The following MYO19 variants were observed in gnomAD, a reference collection of about 807,000 sequenced individuals.
MYO19 encodes myosin XIX, also known as unconventional myosin-XIX.
Under a neutral mutation model 129.2 loss-of-function variants are expected in MYO19, and 132 were observed. The observed-to-expected ratio is 1.02, with a 90% CI of 0.89 to 1.18. The LOEUF is 1.18. Among genes scored for constraint, MYO19 ranks in the 50% most tolerant of loss-of-function variants. The probability of loss-of-function intolerance (pLI) is 0.00; values close to 1 mark genes in which losing one functional copy is unlikely to be tolerated. For synonymous variants in MYO19, 531 were observed against 477.2 expected, an observed-to-expected ratio of 1.11 and a Z score of -1.47; for missense variants, 1,210 against 1,216.7, an observed-to-expected ratio of 0.99 and a Z score of 0.08.
At chr17:36,508,738 C>A (rs2141995952) in intron 14 of MYO19, 1 of 314,752 alleles carries the variant, frequency 3.2e-6, no homozygotes, top group East Asian at 6.0e-5. Context: ...CCTCCAAAGT[C>A]CCTTCTAATA....
chr17:36,504,082 A>G lies in MYO19; in HGVS notation c.1906-62T>C, dbSNP rs553890347. The G allele has an allele frequency of 1.1e-5, 15 of 1,352,816 alleles. No individual in the cohort carries two copies. In the Admixed American group the frequency reaches 2.5e-4, roughly 22 times the overall value. The allele number at this position is 1,352,816 out of a possible 1,614,324, so 83.8% of individuals were successfully genotyped here. On this transcript the variant is annotated intron_variant, in intron 19 of 25. Transcript: ENST00000614623. ...ATGGGGCCAGCAGGCCAGAAATGCC[A>G]TTCTCTCAGCCCTTCTTCTTAGACC...
chr17:36,535,913 A>G (rs1187832780), upstream of MYO19, among the ~76,000 whole-genome samples: 1 of 150,346 alleles, frequency 6.7e-6, no homozygotes, highest in African/African-American at 2.5e-5. Context: ...TCTCTCGGCT[A>G]GGACTTTTAT....
intron 15 of MYO19, 63 bp from the exon 16 acceptor site, chr17:36,507,575 T>C: frequency 6.5e-7 from 1 of 1,528,966 alleles, no homozygotes. Context: ...TGACGGGCCA[T>C]CCACGGCTGG....
At chr17:36,538,601 T>C, upstream of MYO19, 1 of 1,596,124 alleles carries the variant, frequency 6.3e-7, no homozygotes, top group Non-Finnish European at 8.5e-7. Flanking sequence ...AAGATAAGAC[T>C]GTACAATTTT....
In MYO19 at chr17:36,496,418, A is replaced by G; in HGVS notation, c.2758-12T>C. The G allele has an allele frequency of 6.2e-7, 1 of 1,613,620 alleles. No homozygotes were observed. On this transcript the variant is annotated splice_polypyrimidine_tract_variant and intron_variant, in intron 25 of 25. Transcript: ENST00000614623. ...AACTTTATCGATCCCTAGAGGGGAG[A>G]GAGAGATGCAGCTTTAGCACTAGTT...
upstream of MYO19, among the ~76,000 whole-genome samples, chr17:36,535,826 CTT>C (rs77584694): frequency 1.5e-4 from 22 of 143,610 alleles, no homozygotes; most frequent in Non-Finnish European, 1.4e-4. Flanking sequence ...TTTAATTTTT[CTT>C]TTTTTTTTTT....
At position 36,512,604 on chromosome 17, in the gene MYO19, T is replaced by G. The variant is rs570319439; in HGVS notation, c.894+825A>C. On this transcript the variant is annotated intron_variant, in intron 11 of 25. Coordinates refer to ENST00000614623, the MANE Select transcript of MYO19 (RefSeq NM_001163735.2). The stretch of plus-strand genomic sequence containing the variant: ...GCACTCCTGCCCCGACTCCCAGTGT[T>G]GTCCACTTATCCTGGGCTTGTCCCC... 1.2e-5 allele frequency: 16 copies of G among 1,281,956 alleles called. 1 individual carries two copies. The Admixed American group carries it at 3.2e-4, about 26-fold the overall frequency. The allele number at this position is 1,281,956 out of a possible 1,614,324, so 79.4% of individuals were successfully genotyped here.
intron 2 of MYO19, among the ~76,000 whole-genome samples, chr17:36,540,286 C>G (rs1164651645): frequency 2.6e-5 from 4 of 151,882 alleles, no homozygotes. Context: ...CCTGGCTTCA[C>G]GTGATCCTCC....
chr17:36,516,040 T>C, intron 6 of MYO19, 50 bp from the exon 7 acceptor site: 1 of 1,552,392 alleles, frequency 6.4e-7, no homozygotes, highest in Non-Finnish European at 8.7e-7. Flanking sequence ...CCCGCCCACT[T>C]CTGAGCCTGC....
At position 36,528,076 on chromosome 17, in the gene MYO19, T is replaced by A; in HGVS notation, c.139A>T (p.Thr47Ser). ...GGGAGGCCCATACCTGTCTCTAGTG[T>A]CACAGGATTCACCCTGGTGAGGTCA... ...LDDLTRVNPVTLETVLRCLQA... is the reference protein window; with the variant it reads ...LDDLTRVNPVSLETVLRCLQA... Residue 47 changes from threonine to serine, a missense_variant, in exon 4 of 26, where the codon ACA becomes TCA. By Grantham distance (58) the Thr-to-Ser change is moderately conservative. Transcript: ENST00000614623. 1 of 1,613,496 alleles carries A rather than the reference T, an allele frequency of 6.2e-7. No homozygotes were observed. The highest frequency in any genetic ancestry group is 8.5e-7 in the Non-Finnish European group (1 of 1,179,502).
chr17:36,496,510 G>GT, intron 25 of MYO19, 104 bp from the exon 26 acceptor site: 1 of 1,068,938 alleles, frequency 9.4e-7, no homozygotes, highest in South Asian at 1.5e-5. Context: ...GTATGGACAA[G>GT]TACTAGTATT....
intron 21 of MYO19, 52 bp downstream of exon 21, chr17:36,503,045 A>T: frequency 6.9e-7 from 1 of 1,448,564 alleles, no homozygotes; most frequent in African/African-American, 1.4e-5. Flanking sequence ...CACAGGGTAG[A>T]TGCTCAGTAA....
intron 9 of MYO19, 68 bp downstream of exon 9, chr17:36,514,378 G>C: frequency 9.9e-7 from 1 of 1,005,718 alleles, no homozygotes; most frequent in Non-Finnish European, 1.6e-6. Flanking sequence ...CTGGGGAGTG[G>C]GGGGTTGAAA....
rs374821447 is a variant in MYO19 at position 36,505,322 on chromosome 17, T to C, written c.1880A>G (p.Gln627Arg). 1.9e-6 allele frequency: 3 copies of C among 1,614,254 alleles called. No individual in the cohort carries two copies. Among genetic ancestry groups the C allele is most frequent in the Non-Finnish European group, 1.7e-6 (2 of 1,180,036 alleles). The change falls in exon 19 of 26, where the codon CAG (glutamine) becomes CGG (arginine). Residue 627 changes from glutamine (Q) to arginine (R), a missense_variant. Gln to Arg is a conservative substitution (Grantham distance 43). Coordinates refer to ENST00000614623, the MANE Select transcript of MYO19 (RefSeq NM_001163735.2). ...CTCCTCTTGGAGAAAGGTCTGCGCC[T>C]GGCCCTGGCTGTTGGGCTTGATGCA... The part of the protein sequence containing the change: ...IRCIKPNSQG[Q>R]AQTFLQEEVL...
intron 4 of MYO19, 122 bp from the exon 5 acceptor site, chr17:36,527,821 C>A (rs1371515793): frequency 8.5e-7 from 1 of 1,180,184 alleles, no homozygotes; most frequent in Non-Finnish European, 1.2e-6. Context: ...TAAATCCCAG[C>A]AGCTCCCTGA....
chr17:36,540,614 G>A (rs748677701), intron 2 of MYO19, among the ~76,000 whole-genome samples: 7 of 151,660 alleles, frequency 4.6e-5, no homozygotes, highest in African/African-American at 9.7e-5. Context: ...CAAGTGATCC[G>A]CCCACCTTGG....
In MYO19 at chr17:36,533,978, T is replaced by C. The variant is rs982747240; in HGVS notation, c.-169A>G. 2.6e-5 allele frequency: 4 copies of C among 152,292 alleles called. No homozygotes were observed. The highest frequency in any genetic ancestry group is 5.9e-5 in the Non-Finnish European group (4 of 68,068). The allele number at this position is 152,292 out of a possible 1,614,324, so 9.4% of individuals were successfully genotyped here. On this transcript the variant is annotated 5_prime_UTR_variant, in exon 2 of 26. Coordinates refer to ENST00000614623, the MANE Select transcript of MYO19 (RefSeq NM_001163735.2). ...CTGTGAAAGCGCTCTGCAAATGTTATTACGATGCAGCATCAGCTCCTAGCT... is the reference window on the plus strand; with the variant it reads ...CTGTGAAAGCGCTCTGCAAATGTTACTACGATGCAGCATCAGCTCCTAGCT...
At chr17:36,513,191 T>TA (rs1322906503) in intron 11 of MYO19, 3 of 1,422,314 alleles carry the variant, frequency 2.1e-6, no homozygotes, top group South Asian at 1.6e-5. Flanking sequence ...ATGGATCACT[T>TA]ACTGCATTCT....
chr17:36,496,443 TC>T (rs1424173542), intron 25 of MYO19, 37 bp from the exon 26 acceptor site: 2 of 1,608,156 alleles, frequency 1.2e-6, no homozygotes, highest in Non-Finnish European at 1.7e-6. Context: ...TAGCACTAGT[TC>T]CTGGGAGTGC....
Sources: gnomAD v4.1 joint callset for allele counts (sites outside exome capture counted in the v4.1 genomes callset) on GRCh38, gnomAD v4.1.1 for gene constraint, MANE v1.5 for transcripts, NCBI Gene and HGNC (gene_info 2026-07-23, HGNC 2026-07-21) for gene names.